TMEM132B: variants seen among roughly 807,000 people sequenced by gnomAD.
The protein encoded by TMEM132B is transmembrane protein 132B.
A neutral mutation model predicts 90.8 loss-of-function variants in TMEM132B; 18 were observed. That is an observed-to-expected ratio of 0.20 (90% CI 0.14 to 0.29). TMEM132B has a LOEUF of 0.29. Among genes scored for constraint, TMEM132B ranks in the 10% least tolerant of loss-of-function variants. The pLI is 1.00. For synonymous variants in TMEM132B, 504 were observed against 523.3 expected, an observed-to-expected ratio of 0.96 and a Z score of 0.50; for missense variants, 1,096 against 1,326.8, an observed-to-expected ratio of 0.83 and a Z score of 2.70.
chr12:125,574,652 C>T (rs955611180), intron 4 of TMEM132B, among the ~76,000 whole-genome samples: 1 of 152,108 alleles, frequency 6.6e-6, no homozygotes, highest in Non-Finnish European at 1.5e-5. Flanking sequence ...AAGAATCCTT[C>T]TCATGGACAT....
At chr12:125,342,083 A>G (rs549632339) in intron 1 of TMEM132B, among the ~76,000 whole-genome samples, 1 of 152,246 alleles carries the variant, frequency 6.6e-6, no homozygotes, top group South Asian at 2.1e-4. Flanking sequence ...ATGATACTTA[A>G]AGCCATTCTG....
intron 1 of TMEM132B, among the ~76,000 whole-genome samples, chr12:125,276,601 T>G (rs796189814): frequency 6.6e-6 from 1 of 152,092 alleles, no homozygotes; most frequent in African/African-American, 2.4e-5. Flanking sequence ...TTTTTCTCCA[T>G]GGGGTAACTT....
intron 5 of TMEM132B, among the ~76,000 whole-genome samples, chr12:125,600,715 T>C (rs925127425): frequency 1.2e-4 from 18 of 152,178 alleles, no homozygotes; most frequent in African/African-American, 4.1e-4. Context: ...TCCACATCAT[T>C]ATGTGAAATG....
chr12:125,574,831 A>G (rs1884895983), intron 4 of TMEM132B, among the ~76,000 whole-genome samples: 1 of 151,648 alleles, frequency 6.6e-6, no homozygotes, highest in African/African-American at 2.4e-5. Context: ...ACTGACATTG[A>G]GGAGTGGTAT....
chr12:125,403,200 C>T (rs905732340), intron 2 of TMEM132B, among the ~76,000 whole-genome samples: 1 of 152,224 alleles, frequency 6.6e-6, no homozygotes, highest in Non-Finnish European at 1.5e-5. Context: ...CCCCACTGAG[C>T]TGCTGAGTGA....
intron 1 of TMEM132B, among the ~76,000 whole-genome samples, chr12:125,309,013 G>T (rs1876062376): frequency 6.6e-6 from 1 of 152,000 alleles, no homozygotes; most frequent in Non-Finnish European, 1.5e-5. Flanking sequence ...ACCTAACCAT[G>T]TTAGCACATT....
intron 3 of TMEM132B, among the ~76,000 whole-genome samples, chr12:125,467,775 A>G (rs987826457): frequency 4.6e-5 from 7 of 152,262 alleles, no homozygotes; most frequent in African/African-American, 1.7e-4. Flanking sequence ...CTCCTTTCTC[A>G]TATTCTCATA....
intron 1 of TMEM132B, among the ~76,000 whole-genome samples, chr12:125,264,668 C>T (rs917403604): frequency 4.6e-5 from 7 of 152,194 alleles, no homozygotes; most frequent in Non-Finnish European, 7.3e-5. Flanking sequence ...ACAACTGTTG[C>T]GTGGCAAGCA....
At chr12:125,367,092 A>G (rs1878156774) in intron 2 of TMEM132B, among the ~76,000 whole-genome samples, 1 of 152,058 alleles carries the variant, frequency 6.6e-6, no homozygotes, top group African/African-American at 2.4e-5. Flanking sequence ...CTTTTACATC[A>G]CTGATGACAG....
intron 4 of TMEM132B, among the ~76,000 whole-genome samples, chr12:125,560,117 A>G (rs1420620414): frequency 1.3e-5 from 2 of 152,214 alleles, no homozygotes; most frequent in African/African-American, 4.8e-5. Context: ...TCCCAGCTAC[A>G]GAAAGCCCCA....
chr12:125,295,569 A>G (rs1391854659), intron 1 of TMEM132B, among the ~76,000 whole-genome samples: 1 of 151,840 alleles, frequency 6.6e-6, no homozygotes, highest in Non-Finnish European at 1.5e-5. Context: ...AGACAGAGAC[A>G]GACAGACTTG....
intron 1 of TMEM132B, among the ~76,000 whole-genome samples, chr12:125,224,267 C>A (rs1380619735): frequency 6.6e-6 from 1 of 152,124 alleles, no homozygotes; most frequent in African/African-American, 2.4e-5. Context: ...CATTAACATC[C>A]CTGTATGAGT....
At chr12:125,296,759 C>T (rs537515904) in intron 1 of TMEM132B, among the ~76,000 whole-genome samples, 5 of 152,238 alleles carry the variant, frequency 3.3e-5, no homozygotes, top group Non-Finnish European at 7.3e-5. Flanking sequence ...TTCCATCCCA[C>T]TCCTTTATCA....
At position 125,350,210 on chromosome 12, in the gene TMEM132B, C is replaced by T; in HGVS notation, c.826C>T (p.Leu276=). The T allele has an allele frequency of 6.2e-7, 1 of 1,614,142 alleles. No homozygotes were observed. The highest frequency in any genetic ancestry group is 2.2e-5 in the East Asian group (1 of 44,868). ...SVVVYPTQDD[L]KWSLVSLDEN... is the part of the protein sequence containing the mutation. Reference sequence around the variant, plus strand: ...GGTGGTCTACCCAACCCAAGATGATCTGAAGTGGTCCCTGGTGAGCTTGGA... The same window carrying T: ...GGTGGTCTACCCAACCCAAGATGATTTGAAGTGGTCCCTGGTGAGCTTGGA... The change falls in exon 2 of 9, where the codon CTG becomes TTG. Residue 276 remains leucine, a synonymous_variant. Coordinates refer to ENST00000682704, the MANE Select transcript of TMEM132B (RefSeq NM_001366854.1).
chr12:125,391,519 C>T (rs544950239), intron 2 of TMEM132B, among the ~76,000 whole-genome samples: 21 of 152,218 alleles, frequency 1.4e-4, no homozygotes, highest in African/African-American at 4.3e-4. Flanking sequence ...CTTTCCTAGC[C>T]GCAAGCCTGG....
chr12:125,386,918 A>T lies in TMEM132B; in HGVS notation c.960-28613A>T, dbSNP rs796276336. Among the ~76,000 whole-genome samples, 20 of 152,290 alleles carry T rather than the reference A, an allele frequency of 1.3e-4. 1 individual carries two copies. Among genetic ancestry groups the T allele is most frequent in the African/African-American group, 4.6e-4 (19 of 41,570 alleles). On this transcript the variant is annotated intron_variant, in intron 2 of 8. Coordinates refer to ENST00000682704, the MANE Select transcript of TMEM132B (RefSeq NM_001366854.1). ...TTAGAAATAAATCTCACACTCTCTA[A>T]AACCCAGAGCTTCTTTACTTTGTAT...
rs191937788 is a variant in TMEM132B, at chr12:125,368,005, G to T, written c.959+17662G>T. On this transcript the variant is annotated intron_variant, in intron 2 of 8. Transcript: ENST00000682704. The stretch of plus-strand genomic sequence containing the variant: ...ATTGGCTTTTTAGCTATATCTCTTT[G>T]CATGTTTAAGTGATTGCTCTAGGGA... Among the ~76,000 whole-genome samples the T allele has an allele frequency of 2.4e-3, 363 of 151,330 alleles. 9 individuals carry two copies. Among genetic ancestry groups the T allele is most frequent in the Non-Finnish European group, 2.0e-3 (136 of 67,818 alleles).
intron 3 of TMEM132B, among the ~76,000 whole-genome samples, chr12:125,465,144 T>G (rs539405749): frequency 2.6e-5 from 4 of 152,360 alleles, no homozygotes; most frequent in Admixed American, 6.5e-5. Flanking sequence ...GCTCTGCTAC[T>G]AGGTAGCTGG....
At chr12:125,555,640 C>G (rs1438871122) in intron 4 of TMEM132B, among the ~76,000 whole-genome samples, 1 of 150,960 alleles carries the variant, frequency 6.6e-6, no homozygotes, top group Non-Finnish European at 1.5e-5. Flanking sequence ...GTGCAGCACA[C>G]CAACATGGCA....
Sources: gnomAD v4.1 joint callset for allele counts (sites outside exome capture counted in the v4.1 genomes callset) on GRCh38, gnomAD v4.1.1 for gene constraint, MANE v1.5 for transcripts, NCBI Gene and HGNC (gene_info 2026-07-23, HGNC 2026-07-21) for gene names.